Variants in PAWR observed in about 807,000 individuals in gnomAD.
The protein encoded by PAWR is PRKC apoptosis WT1 regulator protein.
A neutral mutation model predicts 32.0 loss-of-function variants in PAWR; 23 were observed. That is an observed-to-expected ratio of 0.72 (90% CI 0.52 to 1.02). The LOEUF (loss-of-function observed/expected upper bound fraction) is 1.02, where lower values mean the gene tolerates loss of function less well. PAWR is among the 50% of genes least tolerant of loss of function. The pLI is 0.00. For missense variants in PAWR, 457 were observed against 437.7 expected (o/e 1.04, Z -0.39); for synonymous variants, 226 against 187.1 (o/e 1.21, Z -1.70).
chr12:79,618,298 G>C (rs183715868), intron 3 of PAWR, among the ~76,000 whole-genome samples: 1 of 151,852 alleles, frequency 6.6e-6, no homozygotes, highest in African/African-American at 2.4e-5. Flanking sequence ...TCAGCTAATT[G>C]TTGTATTTTT....
intron 2 of PAWR, among the ~76,000 whole-genome samples, chr12:79,632,348 T>TATAC (rs1875732467): frequency 1.5e-5 from 1 of 67,368 alleles, no homozygotes; most frequent in Non-Finnish European, 2.3e-5. Flanking sequence ...TATATATATA[T>TATAC]ATATATATAT....
intron 2 of PAWR, among the ~76,000 whole-genome samples, chr12:79,663,044 A>AGCC (rs1303779793): frequency 1.3e-5 from 2 of 152,212 alleles, no homozygotes; most frequent in East Asian, 3.8e-4. Flanking sequence ...TACTAATGAG[A>AGCC]GCCTGTCCAC....
At chr12:79,610,777 G>T (rs201152619) in intron 4 of PAWR, among the ~76,000 whole-genome samples, 1 of 136,376 alleles carries the variant, frequency 7.3e-6, no homozygotes, top group Non-Finnish European at 1.6e-5. Context: ...AAAAAAAAAA[G>T]AAAAAGAAAA....
intron 2 of PAWR, among the ~76,000 whole-genome samples, chr12:79,670,105 A>T (rs990873556): frequency 1.1e-4 from 16 of 152,226 alleles, no homozygotes; most frequent in Admixed American, 5.9e-4. Flanking sequence ...ACAGGAAAAA[A>T]AATTAAGTTG....
chr12:79,659,927 A>G (rs1877269808), intron 2 of PAWR, among the ~76,000 whole-genome samples: 1 of 152,226 alleles, frequency 6.6e-6, no homozygotes, highest in Non-Finnish European at 1.5e-5. Context: ...GAAAGAAGTA[A>G]AGACATGGAA....
chr12:79,627,649 A>T (rs1875407455), intron 2 of PAWR, among the ~76,000 whole-genome samples: 1 of 151,956 alleles, frequency 6.6e-6, no homozygotes, highest in South Asian at 2.1e-4. Context: ...GGTGTTTTAG[A>T]CATGAAGTCC....
chr12:79,611,511 A>C (rs188855886), intron 4 of PAWR, among the ~76,000 whole-genome samples: 2 of 151,978 alleles, frequency 1.3e-5, no homozygotes, highest in Admixed American at 1.3e-4. Flanking sequence ...ACTTGCTGAC[A>C]GATTAATGAA....
intron 2 of PAWR, among the ~76,000 whole-genome samples, chr12:79,632,326 TATATATATATATATATATATATATA>T (rs1875702652): frequency 3.0e-5 from 1 of 33,320 alleles, no homozygotes; most frequent in African/African-American, 3.5e-4. Flanking sequence ...TATATATATA[TATATATATATATATATATATATATA>T]TATATATATA....
intron 3 of PAWR, among the ~76,000 whole-genome samples, chr12:79,614,540 A>G (rs900447742): frequency 2.6e-5 from 4 of 152,188 alleles, no homozygotes; most frequent in African/African-American, 7.2e-5. Context: ...GTTACCTTGC[A>G]AATAACTAGG....
At chr12:79,642,240 T>C (rs1348566182) in intron 2 of PAWR, among the ~76,000 whole-genome samples, 2 of 152,240 alleles carry the variant, frequency 1.3e-5, no homozygotes, top group East Asian at 3.8e-4. Context: ...TATTATACTT[T>C]CTGGGAATCT....
intron 2 of PAWR, among the ~76,000 whole-genome samples, chr12:79,677,993 C>T (rs1194720170): frequency 6.6e-6 from 1 of 152,174 alleles, no homozygotes; most frequent in East Asian, 1.9e-4. Flanking sequence ...CCTCTACCCC[C>T]AAACACTCAA....
intron 5 of PAWR, 62 bp from the exon 6 acceptor site, chr12:79,594,495 G>T: frequency 2.6e-6 from 2 of 777,978 alleles, no homozygotes; most frequent in Non-Finnish European, 4.3e-6. Flanking sequence ...ATCTTCCTAA[G>T]TGGCATATAT....
chr12:79,656,894 AC>A (rs910870915), intron 2 of PAWR, among the ~76,000 whole-genome samples: 1 of 152,196 alleles, frequency 6.6e-6, no homozygotes, highest in African/African-American at 2.4e-5. Flanking sequence ...CTGGGCAGAG[AC>A]CAGCACTCTC....
intron 2 of PAWR, among the ~76,000 whole-genome samples, chr12:79,682,401 G>A (rs1005978809): frequency 6.6e-6 from 1 of 152,126 alleles, no homozygotes; most frequent in Non-Finnish European, 1.5e-5. Context: ...TCTCCTATCT[G>A]TTCACTTCAG....
chr12:79,627,825 A>G (rs1164335158), intron 2 of PAWR, among the ~76,000 whole-genome samples: 1 of 152,202 alleles, frequency 6.6e-6, no homozygotes, highest in Non-Finnish European at 1.5e-5. Context: ...TGAGTGACCT[A>G]CAAAGAGACT....
intron 6 of PAWR, among the ~76,000 whole-genome samples, 156 bp downstream of exon 6, chr12:79,594,173 C>G (rs1873661712): frequency 6.6e-6 from 1 of 152,094 alleles, no homozygotes; most frequent in African/African-American, 2.4e-5. Flanking sequence ...CAAAGGAAAT[C>G]AGTTTTTGGA....
At chr12:79,608,175 G>A (rs1000842853) in intron 4 of PAWR, among the ~76,000 whole-genome samples, 8 of 152,082 alleles carry the variant, frequency 5.3e-5, no homozygotes, top group African/African-American at 1.4e-4. Flanking sequence ...AACTTGAACC[G>A]GTTCTAGTCG....
At chr12:79,630,208 A>T (rs1875544966) in intron 2 of PAWR, among the ~76,000 whole-genome samples, 1 of 152,034 alleles carries the variant, frequency 6.6e-6, no homozygotes, top group Non-Finnish European at 1.5e-5. Context: ...AGTCTGAACA[A>T]AAAAGACAGA....
At chr12:79,632,765 T>C (rs1462850042) in intron 2 of PAWR, among the ~76,000 whole-genome samples, 2 of 151,970 alleles carry the variant, frequency 1.3e-5, no homozygotes, top group African/African-American at 4.8e-5. Context: ...TAGATATCCA[T>C]ATATACCCTC....
Sources: allele counts gnomAD v4.1 joint callset (sites outside exome capture counted in the v4.1 genomes callset), GRCh38; gene constraint gnomAD v4.1.1; transcripts MANE v1.5; gene names NCBI Gene and HGNC (gene_info 2026-07-23, HGNC 2026-07-21).